Variants in KCNIP4 observed in about 807,000 individuals in gnomAD.
KCNIP4 encodes potassium voltage-gated channel interacting protein 4, also known as Kv channel-interacting protein 4.
A neutral mutation model predicts 34.0 loss-of-function variants in KCNIP4; 12 were observed. The ratio of observed to expected loss-of-function variants is 0.35; its 90% CI spans 0.23 to 0.57. The LOEUF (loss-of-function observed/expected upper bound fraction) is 0.57. Ranked by LOEUF, KCNIP4 falls within the 20% of genes least tolerant of loss-of-function variation. KCNIP4 has a pLI of 0.83. For synonymous variants in KCNIP4, 124 were observed against 102.2 expected, an observed-to-expected ratio of 1.21 and a Z score of -1.29; for missense variants, 238 against 311.7, an observed-to-expected ratio of 0.76 and a Z score of 1.78.
chr4:21,746,994 A>G (rs919981310), intron 1 of KCNIP4, among the ~76,000 whole-genome samples: 25 of 152,228 alleles, frequency 1.6e-4, no homozygotes, highest in African/African-American at 5.3e-4. Flanking sequence ...CGTGTTTATA[A>G]TAAAAACATA....
intron 1 of KCNIP4, among the ~76,000 whole-genome samples, chr4:21,528,285 G>A (rs1736149353): frequency 6.6e-6 from 1 of 152,044 alleles, no homozygotes; most frequent in Non-Finnish European, 1.5e-5. Flanking sequence ...AGTTATTGTT[G>A]TTGTTGTTTT....
chr4:20,925,757 G>A (rs1729838554), intron 1 of KCNIP4, among the ~76,000 whole-genome samples: 1 of 152,008 alleles, frequency 6.6e-6, no homozygotes. Flanking sequence ...TTTATTACAT[G>A]GTTACAATTT....
intron 1 of KCNIP4, among the ~76,000 whole-genome samples, chr4:21,600,422 A>T (rs1051753014): frequency 1.3e-5 from 2 of 152,136 alleles, no homozygotes; most frequent in African/African-American, 4.8e-5. Flanking sequence ...AGTTTGACAC[A>T]TTCATATAAT....
chr4:21,169,135 C>T (rs896588891), intron 1 of KCNIP4, among the ~76,000 whole-genome samples: 23 of 152,104 alleles, frequency 1.5e-4, no homozygotes, highest in African/African-American at 5.6e-4. Flanking sequence ...TTATGGCTCT[C>T]TAATCAGGAA....
At chr4:21,184,520 G>A (rs556643477) in intron 1 of KCNIP4, among the ~76,000 whole-genome samples, 7 of 152,198 alleles carry the variant, frequency 4.6e-5, no homozygotes, top group South Asian at 4.1e-4. Context: ...TCGCTATTAC[G>A]TAATGAAGAC....
chr4:21,033,345 C>T (rs977086805), intron 1 of KCNIP4, among the ~76,000 whole-genome samples: 1 of 152,102 alleles, frequency 6.6e-6, no homozygotes, highest in African/African-American at 2.4e-5. Flanking sequence ...TTTCCATTTA[C>T]AAGGAATAGC....
intron 3 of KCNIP4, among the ~76,000 whole-genome samples, chr4:20,837,182 T>C (rs1719147196): frequency 6.6e-6 from 1 of 152,088 alleles, no homozygotes; most frequent in Non-Finnish European, 1.5e-5. Context: ...CATAATTTAC[T>C]AAAATGTGAA....
At chr4:21,002,516 C>T (rs369456814) in intron 1 of KCNIP4, among the ~76,000 whole-genome samples, 1 of 152,138 alleles carries the variant, frequency 6.6e-6, no homozygotes, top group South Asian at 2.1e-4. Context: ...TTGCCACTTC[C>T]CAGGAGTGAG....
chr4:21,142,049 G>A (rs1372887332), intron 1 of KCNIP4, among the ~76,000 whole-genome samples: 3 of 151,234 alleles, frequency 2.0e-5, no homozygotes, highest in African/African-American at 7.3e-5. Flanking sequence ...TACTCGGGAG[G>A]CTGAGGCAGG....
intron 1 of KCNIP4, among the ~76,000 whole-genome samples, chr4:21,068,822 T>G (rs1263870858): frequency 1.3e-5 from 2 of 152,234 alleles, no homozygotes; most frequent in Non-Finnish European, 2.9e-5. Context: ...AGCAGTAATC[T>G]TAATAATTTT....
At chr4:21,873,683 T>C (rs1725936098) in intron 1 of KCNIP4, among the ~76,000 whole-genome samples, 2 of 152,076 alleles carry the variant, frequency 1.3e-5, no homozygotes, top group African/African-American at 4.8e-5. Context: ...CACAACAAAA[T>C]TATAAAAATA....
chr4:21,183,544 G>T (rs1425327), intron 1 of KCNIP4, among the ~76,000 whole-genome samples: 17,809 of 150,344 alleles, frequency 0.12, 1,190 homozygotes, highest in East Asian at 0.19. Flanking sequence ...AGTGATCTCA[G>T]CTCACTGCAC....
chr4:21,481,385 AGG>A (rs1731412744), intron 1 of KCNIP4, among the ~76,000 whole-genome samples: 1 of 152,096 alleles, frequency 6.6e-6, no homozygotes, highest in South Asian at 2.1e-4. Context: ...AAGGAAGGAA[AGG>A]GGACGCCTGG....
At chr4:21,013,165 C>A (rs1002652313) in intron 1 of KCNIP4, among the ~76,000 whole-genome samples, 3 of 152,128 alleles carry the variant, frequency 2.0e-5, no homozygotes, top group African/African-American at 7.2e-5. Context: ...ACAGACGCAG[C>A]AATGGAATGT....
chr4:20,871,621 T>C (rs534728718), intron 2 of KCNIP4, among the ~76,000 whole-genome samples: 35 of 152,234 alleles, frequency 2.3e-4, no homozygotes, highest in African/African-American at 7.5e-4. Context: ...CATGGTGGTA[T>C]TCACCAACAA....
intron 1 of KCNIP4, among the ~76,000 whole-genome samples, chr4:21,415,101 C>A (rs960654709): frequency 3.3e-5 from 5 of 152,134 alleles, no homozygotes; most frequent in Non-Finnish European, 7.4e-5. Flanking sequence ...CATTCCCCCC[C>A]AGTCCCCACT....
chr4:21,896,851 G>A (rs1692879457), intron 1 of KCNIP4, among the ~76,000 whole-genome samples: 1 of 151,796 alleles, frequency 6.6e-6, no homozygotes, highest in African/African-American at 2.4e-5. Context: ...CCCGGGAGAT[G>A]GAGGGTGCAG....
chr4:21,386,923 C>T (rs1722084109), intron 1 of KCNIP4, among the ~76,000 whole-genome samples: 1 of 152,166 alleles, frequency 6.6e-6, no homozygotes, highest in Non-Finnish European at 1.5e-5. Context: ...TCTACACATA[C>T]TATCCTTCCT....
chr4:21,223,558 G>T (rs912457704), intron 1 of KCNIP4, among the ~76,000 whole-genome samples: 1 of 152,190 alleles, frequency 6.6e-6, no homozygotes, highest in Admixed American at 6.5e-5. Flanking sequence ...AGAAGAAAGT[G>T]GCACCTGCCT....
Sources: allele counts gnomAD v4.1 joint callset (sites outside exome capture counted in the v4.1 genomes callset), GRCh38; gene constraint gnomAD v4.1.1; transcripts MANE v1.5; gene names NCBI Gene and HGNC (gene_info 2026-07-23, HGNC 2026-07-21).